Variants in UNC13B observed in about 807,000 individuals in gnomAD.
UNC13B encodes protein unc-13 homolog B.
In UNC13B, 144 loss-of-function variants were observed where a neutral mutation model predicts 211.0. The ratio of observed to expected loss-of-function variants is 0.68; its 90% CI spans 0.60 to 0.78. The LOEUF (loss-of-function observed/expected upper bound fraction) is 0.78. UNC13B is among the 30% of genes least tolerant of loss of function. The pLI is 0.00. For missense variants in UNC13B, 1,777 were observed against 2,002.0 expected (o/e 0.89, Z 2.14); for synonymous variants, 709 against 725.8 (o/e 0.98, Z 0.37).
In UNC13B at chr9:35,277,197, G is replaced by GA. The variant is rs1019848546; in HGVS notation, c.526+18155dup. ...GGGAAAGACAATTTAACCTTTAGAG[G>GA]AAAAAAAACAATGATCATTGAATAA... On this transcript the variant is annotated intron_variant, in intron 7 of 39. Transcript: ENST00000635942. 9.2e-5 allele frequency among the ~76,000 whole-genome samples: 14 copies of GA among 151,658 alleles called. 1 individual carries two copies. In the South Asian group the frequency reaches 1.9e-3, roughly 20 times the overall value.
intron 8 of UNC13B, among the ~76,000 whole-genome samples, chr9:35,299,324 G>A (rs1829557449): frequency 6.6e-6 from 1 of 152,014 alleles, no homozygotes; most frequent in African/African-American, 2.4e-5. Flanking sequence ...GGTTTTATAT[G>A]TATTTTTTTC....
chr9:35,382,249 A>G (rs993503138), intron 20 of UNC13B, 108 bp from the exon 21 acceptor site: 17 of 1,439,580 alleles, frequency 1.2e-5, no homozygotes, highest in Non-Finnish European at 1.5e-5. Flanking sequence ...AGAGGGCAGC[A>G]ATTGCCCTGG....
In UNC13B at chr9:35,162,174, T is replaced by C; in HGVS notation, c.-110T>C. The C allele has an allele frequency of 6.7e-7, 1 of 1,492,680 alleles. No homozygotes were observed. Among genetic ancestry groups the C allele is most frequent in the Non-Finnish European group, 9.0e-7 (1 of 1,106,834 alleles). 92.5% of individuals were successfully genotyped at this position (1,492,680 alleles called of 1,614,324 possible). ...ACCTGCGACCGGGACCATGAGGAGC[T>C]GCCAGACCCGTGGGGCCGGTAACGA... is the stretch of plus-strand genomic sequence containing the variant. On this transcript the variant is annotated 5_prime_UTR_variant, in exon 1 of 40. Transcript: ENST00000635942.
intron 1 of UNC13B, among the ~76,000 whole-genome samples, chr9:35,164,722 A>G (rs1397550313): frequency 1.3e-5 from 2 of 152,166 alleles, no homozygotes; most frequent in African/African-American, 4.8e-5. Flanking sequence ...GCCCCCTGAA[A>G]TACTCGTTCC....
In UNC13B at chr9:35,404,632, A is replaced by T. The variant is rs1270056573; in HGVS notation, c.*599A>T. ...ATAACTTCTAGAAATGAACTGTACTAATCCCTTTCCCCAGATTGTATCATG... is the reference window on the plus strand; with the variant it reads ...ATAACTTCTAGAAATGAACTGTACTTATCCCTTTCCCCAGATTGTATCATG... On this transcript the variant is annotated 3_prime_UTR_variant, in exon 40 of 40. Coordinates refer to ENST00000635942, the MANE Select transcript of UNC13B (RefSeq NM_001371189.2). 2 of 154,240 alleles carry T rather than the reference A, an allele frequency of 1.3e-5. No individual in the cohort carries two copies. The highest frequency in any genetic ancestry group is 4.8e-5 in the African/African-American group (2 of 41,450). 9.6% of individuals were successfully genotyped at this position (154,240 alleles called of 1,614,324 possible). A position where few individuals can be genotyped will look rare whatever the true frequency, so the allele number is the denominator to read the frequency against.
At chr9:35,240,829 G>C (rs1825764007) in intron 5 of UNC13B, among the ~76,000 whole-genome samples, 1 of 152,006 alleles carries the variant, frequency 6.6e-6, no homozygotes, top group Non-Finnish European at 1.5e-5. Flanking sequence ...GCTGAGGTGG[G>C]TGGATCATGA....
In UNC13B at chr9:35,304,136, T is replaced by C. The variant is rs1829817013; in HGVS notation, c.4732T>C (p.Leu1578=). Residue 1578 remains leucine, a synonymous_variant, in exon 9 of 40, where the codon TTG becomes CTG. Coordinates refer to ENST00000635942, the MANE Select transcript of UNC13B (RefSeq NM_001371189.2). Reference sequence around the variant, plus strand: ...GACAAATGGTCTATCAAGTATTACGTTGGATGACAGCATTATTTCTGCCTG... The same window carrying C: ...GACAAATGGTCTATCAAGTATTACGCTGGATGACAGCATTATTTCTGCCTG... ...LQTNGLSSIT[L]DDSIISACSF... The C allele has an allele frequency of 2.5e-6, 1 of 398,828 alleles. No homozygotes were observed. Among genetic ancestry groups the C allele is most frequent in the Non-Finnish European group, 4.4e-6 (1 of 225,898 alleles). 24.7% of individuals were successfully genotyped at this position (398,828 alleles called of 1,614,324 possible). A position where few individuals can be genotyped will look rare whatever the true frequency, so the allele number is the denominator to read the frequency against.
intron 7 of UNC13B, among the ~76,000 whole-genome samples, chr9:35,269,542 C>T (rs1015317780): frequency 1.3e-5 from 2 of 152,148 alleles, no homozygotes; most frequent in Admixed American, 6.5e-5. Context: ...AACCTTCAGC[C>T]CCTCTTTTCT....
At chr9:35,328,670 CCCTT>C (rs992323488) in intron 11 of UNC13B, among the ~76,000 whole-genome samples, 4 of 95,618 alleles carry the variant, frequency 4.2e-5, no homozygotes, top group Admixed American at 1.0e-4. Flanking sequence ...CTTCCTCCCT[CCCTT>C]CCTTCCCTTC....
At chr9:35,227,288 G>A (rs1012190344) in intron 1 of UNC13B, among the ~76,000 whole-genome samples, 1 of 152,208 alleles carries the variant, frequency 6.6e-6, no homozygotes, top group South Asian at 2.1e-4. Flanking sequence ...TGCAGGATAA[G>A]GAGAATGGCA....
chr9:35,294,905 T>A (rs1829275183), intron 7 of UNC13B, among the ~76,000 whole-genome samples: 3 of 152,256 alleles, frequency 2.0e-5, no homozygotes, highest in Admixed American at 1.3e-4. Context: ...CAGGTGCTGG[T>A]CTGAAGGACA....
chr9:35,166,066 TATGGATTTTTTTCCCCC>T (rs1436646256), intron 1 of UNC13B, among the ~76,000 whole-genome samples: 4 of 150,312 alleles, frequency 2.7e-5, no homozygotes, highest in Non-Finnish European at 5.9e-5. Context: ...ATAATTTAAC[TATGGATTTTTTTCCCCC>T]AAAAGTAATA....
intron 20 of UNC13B, 99 bp downstream of exon 20, chr9:35,381,818 G>T: frequency 1.4e-6 from 2 of 1,440,368 alleles, no homozygotes; most frequent in Non-Finnish European, 1.9e-6. Flanking sequence ...GAGGTAGCAT[G>T]CAGTGATTCC....
In UNC13B at chr9:35,162,129, C is replaced by T. The variant is rs978285424; in HGVS notation, c.-155C>T. Reference sequence around the variant, plus strand: ...CAGACGGTGAGATTTGGGGCGGGTCCGAGGCAGCGGCGGGACGCTACCTGC... The same window carrying T: ...CAGACGGTGAGATTTGGGGCGGGTCTGAGGCAGCGGCGGGACGCTACCTGC... On this transcript the variant is annotated 5_prime_UTR_variant, in exon 1 of 40. Transcript: ENST00000635942. The T allele has an allele frequency of 9.3e-6, 11 of 1,179,492 alleles. No homozygotes were observed. The highest frequency in any genetic ancestry group is 9.2e-5 in the African/African-American group (6 of 65,556). 73.1% of individuals were successfully genotyped at this position (1,179,492 alleles called of 1,614,324 possible).
chr9:35,282,501 G>A (rs552226822), intron 7 of UNC13B, among the ~76,000 whole-genome samples: 4 of 152,090 alleles, frequency 2.6e-5, no homozygotes, highest in Middle Eastern at 3.4e-3. Flanking sequence ...CTGTGATCTC[G>A]GCTCACTGCA....
intron 6 of UNC13B, among the ~76,000 whole-genome samples, chr9:35,256,601 C>A (rs534394837): frequency 6.6e-6 from 1 of 152,194 alleles, no homozygotes; most frequent in African/African-American, 2.4e-5. Flanking sequence ...TAGTTTTTCT[C>A]TTTTGATCTG....
At chr9:35,181,038 C>T (rs1400209965) in intron 1 of UNC13B, among the ~76,000 whole-genome samples, 1 of 152,062 alleles carries the variant, frequency 6.6e-6, no homozygotes, top group Admixed American at 6.5e-5. Flanking sequence ...GTGAAGGCTA[C>T]ACTGAGGCTT....
Position 35,399,373 on chromosome 9 carries a change from T to C in UNC13B, c.12199-19T>C. Reference sequence around the variant, plus strand: ...GGAGTTGGGGTCCTCTGCTTTTGACTGATTCCCTCTCTGCCCAGGGCACCC... The same window carrying C: ...GGAGTTGGGGTCCTCTGCTTTTGACCGATTCCCTCTCTGCCCAGGGCACCC... On this transcript the variant is annotated intron_variant, in intron 34 of 39. Coordinates refer to ENST00000635942, the MANE Select transcript of UNC13B (RefSeq NM_001371189.2). 6.2e-7 allele frequency: 1 copy of C among 1,614,168 alleles called. No individual in the cohort carries two copies. Among genetic ancestry groups the C allele is most frequent in the Non-Finnish European group, 8.5e-7 (1 of 1,180,022 alleles).
At chr9:35,243,680 T>A (rs1190442004) in intron 6 of UNC13B, among the ~76,000 whole-genome samples, 1 of 152,146 alleles carries the variant, frequency 6.6e-6, no homozygotes, top group African/African-American at 2.4e-5. Flanking sequence ...GCTTCTACTG[T>A]CTCTCAGTTT....
Sources: gnomAD v4.1 joint callset for allele counts (sites outside exome capture counted in the v4.1 genomes callset) on GRCh38, gnomAD v4.1.1 for gene constraint, MANE v1.5 for transcripts, NCBI Gene and HGNC (gene_info 2026-07-23, HGNC 2026-07-21) for gene names.